The following KDM3B variants were observed in gnomAD, a reference collection of about 807,000 sequenced individuals.
KDM3B encodes the protein lysine-specific demethylase 3B.
Under a neutral mutation model 170.0 loss-of-function variants are expected in KDM3B, and 10 were observed. The ratio of observed to expected loss-of-function variants is 0.06; its 90% CI spans 0.04 to 0.10. The LOEUF is 0.10. Ranked by LOEUF, KDM3B falls within the 10% of genes least tolerant of loss-of-function variation. KDM3B has a pLI of 1.00. For synonymous variants in KDM3B, 831 were observed against 834.8 expected (o/e 1.00, Z 0.08); for missense variants, 1,394 against 2,195.2 (o/e 0.64, Z 7.29).
chr5:138,397,050 G>C (rs1762564938), intron 9 of KDM3B, among the ~76,000 whole-genome samples: 1 of 152,154 alleles, frequency 6.6e-6, no homozygotes, highest in African/African-American at 2.4e-5. Context: ...GAAAAATTAG[G>C]CCAGGCGCAG....
intron 13 of KDM3B, among the ~76,000 whole-genome samples, chr5:138,418,298 T>G (rs1056090372): frequency 1.3e-5 from 2 of 152,122 alleles, no homozygotes; most frequent in Non-Finnish European, 2.9e-5. Flanking sequence ...CAGGCTGGTC[T>G]CAAACTCCTG....
intron 1 of KDM3B, among the ~76,000 whole-genome samples, chr5:138,365,956 T>C (rs1306186438): frequency 6.6e-6 from 1 of 152,082 alleles, no homozygotes; most frequent in African/African-American, 2.4e-5. Flanking sequence ...CTAGATCGCG[T>C]CATTGTACTC....
At chr5:138,401,014 T>G (rs570581429) in intron 11 of KDM3B, among the ~76,000 whole-genome samples, 1 of 152,216 alleles carries the variant, frequency 6.6e-6, no homozygotes, top group East Asian at 1.9e-4. Context: ...GGCTCACGCC[T>G]GTAATCCCAG....
intron 9 of KDM3B, among the ~76,000 whole-genome samples, chr5:138,397,604 G>A (rs1315407818): frequency 2.0e-5 from 3 of 152,174 alleles, no homozygotes; most frequent in Non-Finnish European, 4.4e-5. Context: ...TTGGAAGACC[G>A]AGGCAGGCGG....
At chr5:138,416,588 CA>C (rs545925296) in intron 12 of KDM3B, among the ~76,000 whole-genome samples, 26,569 of 84,446 alleles carry the variant, frequency 0.31, 2,101 homozygotes, top group East Asian at 0.44. Context: ...GACTCTGTCT[CA>C]AAAAAAAAAA....
intron 14 of KDM3B, among the ~76,000 whole-genome samples, chr5:138,419,736 C>CACACACAT (rs1554131154): frequency 1.6e-5 from 1 of 62,814 alleles, no homozygotes; most frequent in Non-Finnish European, 4.1e-5. Context: ...CATACACACA[C>CACACACAT]ACACACACAC....
intron 14 of KDM3B, among the ~76,000 whole-genome samples, chr5:138,419,612 G>A (rs1763202719): frequency 7.2e-6 from 1 of 138,574 alleles, no homozygotes; most frequent in African/African-American, 2.7e-5. Context: ...CCAAGATCAT[G>A]CCACTGCACT....
chr5:138,419,744 C>G (rs1486222517), intron 14 of KDM3B, among the ~76,000 whole-genome samples: 2 of 145,998 alleles, frequency 1.4e-5, no homozygotes, highest in Non-Finnish European at 3.0e-5. Context: ...CACACACACA[C>G]ACACACACAC....
chr5:138,401,589 G>GT (rs572345518), intron 11 of KDM3B, among the ~76,000 whole-genome samples: 1 of 152,180 alleles, frequency 6.6e-6, no homozygotes. Context: ...TTTGTGTACA[G>GT]TTTTTTTGTG....
chr5:138,412,702 A>G lies in KDM3B; in HGVS notation c.3200-2430A>G, dbSNP rs190694135. On this transcript the variant is annotated intron_variant, in intron 11 of 23. Transcript: ENST00000314358. The stretch of plus-strand genomic sequence containing the variant: ...TGCTGTGCACAGTGGTGTAACACCT[A>G]TAATCCCAGCTACCTGGGAGGCTGA... Among the ~76,000 whole-genome samples the G allele has an allele frequency of 3.2e-4, 49 of 152,074 alleles. No individual in the cohort carries two copies. The East Asian group carries it at 6.4e-3, about 20-fold the overall frequency.
At chr5:138,385,506 C>T (rs1427864337) in intron 6 of KDM3B, among the ~76,000 whole-genome samples, 2 of 152,258 alleles carry the variant, frequency 1.3e-5, no homozygotes, top group African/African-American at 2.4e-5. Context: ...GCTGGGATTA[C>T]AGGCGTGAGC....
chr5:138,371,851 C>T (rs1450800317), intron 1 of KDM3B, among the ~76,000 whole-genome samples: 5 of 152,184 alleles, frequency 3.3e-5, no homozygotes, highest in East Asian at 3.9e-4. Flanking sequence ...AGGCTGGGCA[C>T]GGTGGCTCAT....
chr5:138,424,910 G>A (rs1763357187), intron 16 of KDM3B, among the ~76,000 whole-genome samples: 1 of 152,212 alleles, frequency 6.6e-6, no homozygotes, highest in African/African-American at 2.4e-5. Context: ...GTGGTGATCT[G>A]GCATTGATAT....
chr5:138,378,604 T>C (rs1451590346), intron 4 of KDM3B, among the ~76,000 whole-genome samples: 2 of 152,052 alleles, frequency 1.3e-5, no homozygotes, highest in African/African-American at 2.4e-5. Flanking sequence ...TGTTTCTCTT[T>C]TGTCAAAATA....
chr5:138,356,975 A>G (rs1761466108), intron 1 of KDM3B, among the ~76,000 whole-genome samples: 1 of 146,986 alleles, frequency 6.8e-6, no homozygotes, highest in Admixed American at 6.8e-5. Context: ...GCTTTGCTAT[A>G]CAGAAAAATA....
chr5:138,377,608 A>T (rs1045876299), intron 3 of KDM3B, 112 bp from the exon 4 acceptor site: 1 of 709,104 alleles, frequency 1.4e-6, no homozygotes, highest in Non-Finnish European at 2.4e-6. Context: ...TTCTATAGAT[A>T]TTGTTTGGCA....
chr5:138,423,462 C>T (rs1763323325), intron 15 of KDM3B, among the ~76,000 whole-genome samples: 1 of 152,134 alleles, frequency 6.6e-6, no homozygotes, highest in Non-Finnish European at 1.5e-5. Context: ...TTAGGTATGT[C>T]ACTTTCATCT....
intron 9 of KDM3B, among the ~76,000 whole-genome samples, chr5:138,396,681 G>A (rs1762555136): frequency 1.3e-5 from 2 of 152,142 alleles, no homozygotes; most frequent in African/African-American, 4.8e-5. Context: ...AAGTGTGGTA[G>A]TGTCGTGGTG....
Position 138,384,046 on chromosome 5 carries a change from GGAGATC to G in KDM3B, c.781-1971_781-1966del, listed in dbSNP as rs916319042. Among the ~76,000 whole-genome samples, 10 of 148,304 alleles carry G rather than the reference GGAGATC, an allele frequency of 6.7e-5. 1 individual carries two copies. The highest frequency in any genetic ancestry group is 2.5e-4 in the African/African-American group (10 of 40,220). On this transcript the variant is annotated intron_variant, in intron 6 of 23. Transcript: ENST00000314358. ...CCGAGGCGGCTGGATCACGAGGTCA[GGAGATC>G]GAGACCATGGTGAAGCCCCATCTCT...
Sources: allele counts gnomAD v4.1 joint callset (sites outside exome capture counted in the v4.1 genomes callset), GRCh38; gene constraint gnomAD v4.1.1; transcripts MANE v1.5; gene names NCBI Gene and HGNC (gene_info 2026-07-23, HGNC 2026-07-21).